The following ZSWIM6 variants were observed in gnomAD, a reference collection of about 807,000 sequenced individuals.
ZSWIM6 encodes the protein zinc finger SWIM domain-containing protein 6.
Under a neutral mutation model 113.2 loss-of-function variants are expected in ZSWIM6, and 9 were observed. That is an observed-to-expected ratio of 0.08 (90% CI 0.05 to 0.14). The LOEUF is 0.14. Among genes scored for constraint, ZSWIM6 ranks in the 10% least tolerant of loss-of-function variants. The pLI, the probability that ZSWIM6 is intolerant of heterozygous loss-of-function variation, is 1.00. For missense variants in ZSWIM6, 1,162 were observed against 1,552.2 expected, an observed-to-expected ratio of 0.75 and a Z score of 4.22; for synonymous variants, 611 against 606.5, an observed-to-expected ratio of 1.01 and a Z score of -0.11.
chr5:61,381,899 G>A (rs1044659372), intron 1 of ZSWIM6, among the ~76,000 whole-genome samples: 2 of 152,236 alleles, frequency 1.3e-5, no homozygotes, highest in Non-Finnish European at 2.9e-5. Flanking sequence ...TCATGTGGAA[G>A]TAGAATGCAT....
At position 61,387,986 on chromosome 5, in the gene ZSWIM6, CTTTT is replaced by C. The variant is rs576895905; in HGVS notation, c.676+55049_676+55052del. On this transcript the variant is annotated intron_variant, in intron 1 of 13. Coordinates refer to ENST00000252744, the MANE Select transcript of ZSWIM6 (RefSeq NM_020928.2). ...TATTTTACCCTTTCTCTCTCTCTCT[CTTTT>C]TTTTTTTTTTGAGATGGAGTCTTGC... 3.2e-4 allele frequency among the ~76,000 whole-genome samples: 42 copies of C among 130,766 alleles called. 1 individual carries two copies. The East Asian group carries it at 9.5e-3, about 29-fold the overall frequency. 85.8% of individuals were successfully genotyped at this position (130,766 alleles called of 152,430 possible).
chr5:61,503,508 G>A (rs570451870), intron 4 of ZSWIM6, among the ~76,000 whole-genome samples: 1 of 152,204 alleles, frequency 6.6e-6, no homozygotes. Context: ...TAGATTGGAA[G>A]CCATAGTCTT....
At chr5:61,335,990 C>T (rs760663427) in intron 1 of ZSWIM6, among the ~76,000 whole-genome samples, 3 of 152,186 alleles carry the variant, frequency 2.0e-5, no homozygotes, top group Non-Finnish European at 2.9e-5. Flanking sequence ...TTGCCGGGCA[C>T]GGTGGCTCAC....
rs869288331 is a variant in ZSWIM6 at position 61,464,158 on chromosome 5, ATTTTTTTTTTTTTTTTT to A, written c.677-8506_677-8490del. 2.1e-3 allele frequency among the ~76,000 whole-genome samples: 93 copies of A among 43,532 alleles called. 1 individual carries two copies. In the East Asian group the frequency reaches 0.03, roughly 14 times the overall value. 28.6% of individuals were successfully genotyped at this position (43,532 alleles called of 152,430 possible). A position where few individuals can be genotyped will look rare whatever the true frequency, so the allele number is the denominator to read the frequency against. On this transcript the variant is annotated intron_variant, in intron 1 of 13. Coordinates refer to ENST00000252744, the MANE Select transcript of ZSWIM6 (RefSeq NM_020928.2). ...AGGTGCATGCCAACACACCCGGCTAATTTTTTTTTTTTTTTTTTTTTTTTTTTTTTTTTGCATTTTTA... is the reference window on the plus strand; with the variant it reads ...AGGTGCATGCCAACACACCCGGCTAATTTTTTTTTTTTTTTTGCATTTTTA...
At chr5:61,375,041 T>C in intron 1 of ZSWIM6, 1 of 1,375,722 alleles carries the variant, frequency 7.3e-7, no homozygotes, top group Non-Finnish European at 1.0e-6. Context: ...ACCAAGTCTA[T>C]AAGATATTAA....
At chr5:61,392,294 T>C (rs1413677674) in intron 1 of ZSWIM6, among the ~76,000 whole-genome samples, 1 of 152,248 alleles carries the variant, frequency 6.6e-6, no homozygotes, top group Non-Finnish European at 1.5e-5. Flanking sequence ...TGCATCTATA[T>C]ACCTTTTTCT....
chr5:61,416,991 A>C (rs1459353915), intron 1 of ZSWIM6, among the ~76,000 whole-genome samples: 1 of 152,068 alleles, frequency 6.6e-6, no homozygotes, highest in African/African-American at 2.4e-5. Context: ...AAAATACAAA[A>C]ATTAGCCAGG....
At chr5:61,401,817 G>GCAT (rs888740992) in intron 1 of ZSWIM6, among the ~76,000 whole-genome samples, 2 of 152,086 alleles carry the variant, frequency 1.3e-5, no homozygotes, top group Admixed American at 1.3e-4. Context: ...AGAAGCTTTA[G>GCAT]CATAAATGTT....
At chr5:61,368,597 G>A (rs1455244978) in intron 1 of ZSWIM6, among the ~76,000 whole-genome samples, 1 of 152,160 alleles carries the variant, frequency 6.6e-6, no homozygotes, top group African/African-American at 2.4e-5. Context: ...CTCAGTAGGA[G>A]GCTTACCTTT....
intron 1 of ZSWIM6, among the ~76,000 whole-genome samples, chr5:61,398,902 G>A (rs1441109592): frequency 7.4e-6 from 1 of 134,746 alleles, no homozygotes; most frequent in East Asian, 2.4e-4. Context: ...AGAGCAAGTT[G>A]TGTATAGTTG....
At chr5:61,434,058 C>T (rs1009230777) in intron 1 of ZSWIM6, among the ~76,000 whole-genome samples, 1 of 138,556 alleles carries the variant, frequency 7.2e-6, no homozygotes, top group African/African-American at 2.7e-5. Flanking sequence ...GTAATAAAAA[C>T]ATATAATAAA....
At chr5:61,521,190 A>G in intron 4 of ZSWIM6, 73 bp from the exon 5 acceptor site, 6 of 929,192 alleles carry the variant, frequency 6.5e-6, no homozygotes, top group Non-Finnish European at 8.5e-6. Flanking sequence ...ATAAATTTAA[A>G]CAATTTAACT....
At chr5:61,351,480 A>G (rs1744781807) in intron 1 of ZSWIM6, among the ~76,000 whole-genome samples, 1 of 152,210 alleles carries the variant, frequency 6.6e-6, no homozygotes, top group Non-Finnish European at 1.5e-5. Context: ...TCTTTTGGAA[A>G]CTTTCATTAA....
intron 4 of ZSWIM6, among the ~76,000 whole-genome samples, chr5:61,503,890 C>T (rs1045578793): frequency 1.3e-5 from 2 of 152,116 alleles, no homozygotes; most frequent in African/African-American, 4.8e-5. Flanking sequence ...TCATACCCAT[C>T]CTTTCTTAAT....
At chr5:61,535,382 T>C (rs1749547369) in intron 9 of ZSWIM6, 102 bp from the exon 10 acceptor site, 4 of 1,323,792 alleles carry the variant, frequency 3.0e-6, no homozygotes, top group Admixed American at 2.2e-5. Context: ...AAATTCTTAT[T>C]TGTATATGTT....
At chr5:61,399,858 G>A (rs961165421) in intron 1 of ZSWIM6, among the ~76,000 whole-genome samples, 2 of 152,132 alleles carry the variant, frequency 1.3e-5, no homozygotes, top group African/African-American at 4.8e-5. Context: ...CTGGGACCCT[G>A]GAAAACTGCC....
intron 4 of ZSWIM6, among the ~76,000 whole-genome samples, chr5:61,509,329 T>C (rs1459624610): frequency 6.6e-6 from 1 of 152,210 alleles, no homozygotes; most frequent in East Asian, 1.9e-4. Flanking sequence ...TAAGTTTCTA[T>C]AGAAGACTAT....
Position 61,344,597 on chromosome 5 carries a change from A to G in ZSWIM6, c.676+11649A>G, listed in dbSNP as rs528662902. The stretch of plus-strand genomic sequence containing the variant: ...TAGAAAAGAAGACAAATCAGAAGAG[A>G]TAAGTAATACCTACTGAGAGTATAT... On this transcript the variant is annotated intron_variant, in intron 1 of 13. Transcript: ENST00000252744. Among the ~76,000 whole-genome samples, 4 of 152,336 alleles carry G rather than the reference A, an allele frequency of 2.6e-5. 1 individual carries two copies. The South Asian group carries it at 6.2e-4, about 24-fold the overall frequency.
chr5:61,409,550 G>T (rs1390282019), intron 1 of ZSWIM6, among the ~76,000 whole-genome samples: 1 of 152,142 alleles, frequency 6.6e-6, no homozygotes, highest in Non-Finnish European at 1.5e-5. Context: ...TACAAGGATG[G>T]TGTTTAGAGC....
Sources: gnomAD v4.1 joint callset for allele counts (sites outside exome capture counted in the v4.1 genomes callset) on GRCh38, gnomAD v4.1.1 for gene constraint, MANE v1.5 for transcripts, NCBI Gene and HGNC (gene_info 2026-07-23, HGNC 2026-07-21) for gene names.